ST18: variants seen among roughly 807,000 people sequenced by gnomAD.
ST18 encodes the protein suppression of tumorigenicity 18 protein.
ST18 carries 50 observed loss-of-function variants against 110.0 expected under a neutral mutation model. The observed-to-expected ratio is 0.45, with a 90% CI of 0.36 to 0.58. The LOEUF (loss-of-function observed/expected upper bound fraction) is 0.58. Ranked by LOEUF, ST18 falls within the 20% of genes least tolerant of loss-of-function variation. The pLI, the probability that ST18 is intolerant of heterozygous loss-of-function variation, is 0.00. For missense variants in ST18, 1,306 were observed against 1,280.1 expected, an observed-to-expected ratio of 1.02 and a Z score of -0.31; for synonymous variants, 461 against 452.4, an observed-to-expected ratio of 1.02 and a Z score of -0.24.
intron 2 of ST18, among the ~76,000 whole-genome samples, chr8:52,371,608 T>A (rs987914681): frequency 3.3e-5 from 5 of 152,196 alleles, no homozygotes; most frequent in Non-Finnish European, 7.3e-5. Context: ...TGAACTGAAG[T>A]GTGTTGGATA....
intron 2 of ST18, among the ~76,000 whole-genome samples, chr8:52,389,049 G>A (rs1838219754): frequency 6.6e-6 from 1 of 151,936 alleles, no homozygotes. Flanking sequence ...GGCCCGAGAA[G>A]CGTGCAGCAG....
In ST18 at chr8:52,266,467, A is replaced by G. The variant is rs1424006954; in HGVS notation, c.-464-36390T>C. 2.0e-5 allele frequency among the ~76,000 whole-genome samples: 3 copies of G among 152,202 alleles called. No individual in the cohort carries two copies. In the East Asian group the frequency reaches 5.8e-4, roughly 29 times the overall value. ...AGTGGACAGGTGTGGAATCCATTGC[A>G]CACATGAAGAGAATGTATAGATTTA... On this transcript the variant is annotated intron_variant, in intron 2 of 25. Coordinates refer to ENST00000689386, the MANE Select transcript of ST18 (RefSeq NM_001352837.2).
At chr8:52,173,392 G>A (rs1049773637) in intron 9 of ST18, among the ~76,000 whole-genome samples, 3 of 152,206 alleles carry the variant, frequency 2.0e-5, no homozygotes, top group Non-Finnish European at 4.4e-5. Context: ...GGTCCTGAAC[G>A]TGAAGGCACC....
Position 52,171,618 on chromosome 8 carries a change from G to C in ST18, c.1069+174C>G, listed in dbSNP as rs796516909. 4.4e-5 allele frequency: 33 copies of C among 751,624 alleles called. No homozygotes were observed. In the African/African-American group the frequency reaches 5.2e-4, roughly 12 times the overall value. 46.6% of individuals were successfully genotyped at this position (751,624 alleles called of 1,614,324 possible). The stretch of plus-strand genomic sequence containing the variant: ...CAAAATTAACACAGCTTGATTGGAG[G>C]ATAATCTAGAGAGTGGGGGAAAAGA... On this transcript the variant is annotated intron_variant, in intron 10 of 25. Transcript: ENST00000689386.
chr8:52,335,744 T>C (rs1373124001), intron 2 of ST18, among the ~76,000 whole-genome samples: 1 of 152,178 alleles, frequency 6.6e-6, no homozygotes, highest in African/African-American at 2.4e-5. Flanking sequence ...TACCACCTCT[T>C]GCTTTGGAAC....
chr8:52,142,832 T>C, intron 17 of ST18, 98 bp downstream of exon 17: 1 of 880,168 alleles, frequency 1.1e-6, no homozygotes, highest in African/African-American at 1.7e-5. Context: ...GAAATCACCC[T>C]AACATCAACT....
intron 8 of ST18, among the ~76,000 whole-genome samples, chr8:52,186,515 T>C (rs1480111436): frequency 6.6e-6 from 1 of 152,158 alleles, no homozygotes; most frequent in Non-Finnish European, 1.5e-5. Flanking sequence ...CAGTATCTAC[T>C]AAAGGTGAAC....
chr8:52,224,715 ATTC>A (rs1287835871), intron 3 of ST18, among the ~76,000 whole-genome samples: 18 of 152,228 alleles, frequency 1.2e-4, no homozygotes, highest in Non-Finnish European at 4.4e-5. Flanking sequence ...AACAAGATGA[ATTC>A]TTTGATATTA....
Position 52,116,438 on chromosome 8 carries a change from G to T in ST18, c.2860-20C>A. The T allele has an allele frequency of 6.2e-7, 1 of 1,606,374 alleles. No homozygotes were observed. ...TGTGATCTACAACAGAAATAACTTG[G>T]GAATGTGAGTAGTGGAGTTTGGAAG... is the stretch of plus-strand genomic sequence containing the variant. On this transcript the variant is annotated intron_variant, in intron 24 of 25. Transcript: ENST00000689386.
intron 16 of ST18, among the ~76,000 whole-genome samples, chr8:52,145,661 G>A (rs1297435339): frequency 6.6e-6 from 1 of 152,162 alleles, no homozygotes; most frequent in African/African-American, 2.4e-5. Flanking sequence ...TTTTGTGGTT[G>A]TGTAAAAGAG....
At chr8:52,218,723 A>G (rs1388848096) in intron 5 of ST18, among the ~76,000 whole-genome samples, 4 of 151,976 alleles carry the variant, frequency 2.6e-5, no homozygotes, top group Non-Finnish European at 5.9e-5. Flanking sequence ...TGAGAAGTCC[A>G]TCACACACAT....
At chr8:52,312,430 A>G (rs1019007722) in intron 2 of ST18, among the ~76,000 whole-genome samples, 4 of 152,224 alleles carry the variant, frequency 2.6e-5, no homozygotes, top group African/African-American at 7.2e-5. Context: ...TAAATCAAAA[A>G]ACAATCTCAC....
At chr8:52,388,973 TA>T (rs61317264) in intron 2 of ST18, among the ~76,000 whole-genome samples, 19 of 142,710 alleles carry the variant, frequency 1.3e-4, no homozygotes, top group East Asian at 8.2e-4. Context: ...AATAATAATT[TA>T]AAAAAAAAAA....
chr8:52,385,531 C>G (rs1235786915), intron 2 of ST18, among the ~76,000 whole-genome samples: 1 of 149,632 alleles, frequency 6.7e-6, no homozygotes, highest in South Asian at 2.1e-4. Context: ...ACCCGGGAGG[C>G]GGAGGTTGCA....
chr8:52,272,596 A>G (rs2095111187), intron 2 of ST18, among the ~76,000 whole-genome samples: 1 of 148,654 alleles, frequency 6.7e-6, no homozygotes, highest in Non-Finnish European at 1.5e-5. Context: ...AGAAAAGGGA[A>G]CCCTTGTATA....
At chr8:52,366,314 T>C (rs1327487498) in intron 2 of ST18, among the ~76,000 whole-genome samples, 1 of 152,128 alleles carries the variant, frequency 6.6e-6, no homozygotes, top group Non-Finnish European at 1.5e-5. Flanking sequence ...CACTGCTCTC[T>C]ACAGCGAGCA....
chr8:52,383,111 C>T (rs1390487498), intron 2 of ST18, among the ~76,000 whole-genome samples: 1 of 152,120 alleles, frequency 6.6e-6, no homozygotes, highest in Admixed American at 6.5e-5. Flanking sequence ...CAAGCACTTA[C>T]CTTTTATGAT....
At chr8:52,331,298 G>A (rs1429503761) in intron 2 of ST18, among the ~76,000 whole-genome samples, 2 of 151,392 alleles carry the variant, frequency 1.3e-5, no homozygotes, top group East Asian at 1.9e-4. Context: ...CATATAATAT[G>A]TTTATCTGTA....
intron 9 of ST18, among the ~76,000 whole-genome samples, chr8:52,177,128 C>T (rs73679151): frequency 0.015 from 2,329 of 152,250 alleles, 60 homozygotes; most frequent in African/African-American, 0.051. Context: ...CGGAGACTTT[C>T]ATTCTCCCTG....
Sources: gnomAD v4.1 joint callset for allele counts (sites outside exome capture counted in the v4.1 genomes callset) on GRCh38, gnomAD v4.1.1 for gene constraint, MANE v1.5 for transcripts, NCBI Gene and HGNC (gene_info 2026-07-23, HGNC 2026-07-21) for gene names.